RABGAP1L: variants seen among roughly 807,000 people sequenced by gnomAD.
The protein encoded by RABGAP1L is RAB GTPase activating protein 1 like.
In RABGAP1L, 63 loss-of-function variants were observed where a neutral mutation model predicts 137.7. That is an observed-to-expected ratio of 0.46 (90% CI 0.37 to 0.56). The LOEUF is 0.56. Among genes scored for constraint, RABGAP1L ranks in the 20% least tolerant of loss-of-function variants. The pLI, the probability that RABGAP1L is intolerant of heterozygous loss-of-function variation, is 0.00. For missense variants in RABGAP1L, 1,095 were observed against 1,244.0 expected (o/e 0.88, Z 1.80); for synonymous variants, 431 against 433.7 (o/e 0.99, Z 0.08).
chr1:174,534,802 A>AAAAAAAAAAAAAAAAAAAATAAT (rs1553324953), intron 13 of RABGAP1L, among the ~76,000 whole-genome samples: 1 of 137,312 alleles, frequency 7.3e-6, no homozygotes, highest in East Asian at 2.1e-4. Context: ...AAAAAAAAAA[A>AAAAAAAAAAAAAAAAAAAATAAT]AATAATTAGA....
chr1:174,257,696 A>G (rs760819522), intron 7 of RABGAP1L, among the ~76,000 whole-genome samples: 22 of 152,184 alleles, frequency 1.4e-4, no homozygotes, highest in Non-Finnish European at 2.1e-4. Flanking sequence ...GAATCAGTAT[A>G]TGCTACTAAC....
chr1:174,552,092 G>A (rs553155619), intron 13 of RABGAP1L, among the ~76,000 whole-genome samples: 2 of 152,268 alleles, frequency 1.3e-5, no homozygotes, highest in African/African-American at 4.8e-5. Context: ...ATTAATACAT[G>A]TTTAACAACA....
intron 19 of RABGAP1L, among the ~76,000 whole-genome samples, chr1:174,927,145 T>C (rs1339065251): frequency 6.6e-6 from 1 of 152,170 alleles, no homozygotes; most frequent in Non-Finnish European, 1.5e-5. Flanking sequence ...AGGGAACATT[T>C]TTAAGATTTC....
At chr1:174,643,815 C>G (rs1674718068) in intron 14 of RABGAP1L, among the ~76,000 whole-genome samples, 1 of 151,616 alleles carries the variant, frequency 6.6e-6, no homozygotes, top group Admixed American at 6.6e-5. Flanking sequence ...GCTTTATTGC[C>G]AAGAACAATT....
At chr1:174,717,392 G>GA (rs1415902378) in intron 17 of RABGAP1L, among the ~76,000 whole-genome samples, 1 of 152,138 alleles carries the variant, frequency 6.6e-6, no homozygotes, top group Non-Finnish European at 1.5e-5. Flanking sequence ...CTGGGCAACA[G>GA]AACGAGATTC....
In RABGAP1L at chr1:174,242,366, T is replaced by A. The variant is rs187666815; in HGVS notation, c.717+709T>A. Among the ~76,000 whole-genome samples, 10 of 152,372 alleles carry A rather than the reference T, an allele frequency of 6.6e-5. No individual in the cohort carries two copies. The East Asian group carries it at 1.7e-3, about 26-fold the overall frequency. Reference sequence around the variant, plus strand: ...TCCCCAATTTTAAAATGTTGCACTGTTAGACACTTAGTACTTAAAACCATT... The same window carrying A: ...TCCCCAATTTTAAAATGTTGCACTGATAGACACTTAGTACTTAAAACCATT... On this transcript the variant is annotated intron_variant, in intron 5 of 25. Coordinates refer to ENST00000681986, the MANE Select transcript of RABGAP1L (RefSeq NM_001366446.1).
chr1:174,837,873 TA>T (rs988961256), intron 19 of RABGAP1L, among the ~76,000 whole-genome samples: 1 of 152,180 alleles, frequency 6.6e-6, no homozygotes, highest in African/African-American at 2.4e-5. Flanking sequence ...AAAAGTGAAA[TA>T]AAAAAATCTT....
At chr1:174,447,884 C>CT (rs1654945574) in intron 13 of RABGAP1L, among the ~76,000 whole-genome samples, 1 of 77,226 alleles carries the variant, frequency 1.3e-5, no homozygotes, top group Non-Finnish European at 2.6e-5. Context: ...CTCTCCACCC[C>CT]TTACCGCCCC....
chr1:174,195,319 T>C (rs1667489307), intron 1 of RABGAP1L, among the ~76,000 whole-genome samples: 2 of 152,186 alleles, frequency 1.3e-5, no homozygotes, highest in South Asian at 2.1e-4. Flanking sequence ...TCTTTTTTGA[T>C]TTCTTGTTTT....
intron 19 of RABGAP1L, among the ~76,000 whole-genome samples, chr1:174,944,959 CA>C (rs1374350318): frequency 9.2e-5 from 14 of 152,132 alleles, no homozygotes; most frequent in Admixed American, 9.2e-4. Context: ...TTGCCAGCGA[CA>C]ATTGACATAA....
chr1:174,239,936 G>T (rs1671648245), intron 4 of RABGAP1L, among the ~76,000 whole-genome samples: 1 of 152,156 alleles, frequency 6.6e-6, no homozygotes, highest in South Asian at 2.1e-4. Flanking sequence ...TATAAATTTA[G>T]AAAATTTTGG....
At chr1:174,540,038 T>G (rs183162365) in intron 13 of RABGAP1L, among the ~76,000 whole-genome samples, 11 of 152,282 alleles carry the variant, frequency 7.2e-5, no homozygotes, top group African/African-American at 2.4e-4. Flanking sequence ...TTTCTCTGAT[T>G]GCCAGTGATG....
At chr1:174,776,504 C>G (rs1246537827) in intron 18 of RABGAP1L, among the ~76,000 whole-genome samples, 1 of 152,190 alleles carries the variant, frequency 6.6e-6, no homozygotes, top group East Asian at 1.9e-4. Flanking sequence ...AGTGATCAAA[C>G]AAATGACTCT....
chr1:174,443,103 T>C (rs892281183), intron 13 of RABGAP1L, among the ~76,000 whole-genome samples: 10 of 152,230 alleles, frequency 6.6e-5, no homozygotes, highest in Non-Finnish European at 1.0e-4. Flanking sequence ...TTGCTTTTTT[T>C]CCCCACCTGT....
In RABGAP1L at chr1:174,394,010, T is replaced by G; in HGVS notation, c.1575T>G (p.Gly525=). The G allele has an allele frequency of 6.2e-7, 1 of 1,613,384 alleles. No homozygotes were observed. The highest frequency in any genetic ancestry group is 8.5e-7 in the Non-Finnish European group (1 of 1,179,640). The change falls in exon 13 of 26, where the codon GGT becomes GGG. Residue 525 remains glycine, a synonymous_variant. Transcript: ENST00000681986. ...GTCTTCTCAGGCACAGTAACCTTGG[T>G]GCACGACCGAAAGGGCTGTCTACTC... ...ELLGKWHSNL[G]ARPKGLSTLV... is the part of the protein sequence containing the mutation.
At chr1:174,835,006 T>C (rs1373963771) in intron 19 of RABGAP1L, among the ~76,000 whole-genome samples, 1 of 152,148 alleles carries the variant, frequency 6.6e-6, no homozygotes, top group Non-Finnish European at 1.5e-5. Flanking sequence ...TGTAGCAGTA[T>C]TCCAGGTGAG....
intron 1 of RABGAP1L, among the ~76,000 whole-genome samples, chr1:174,187,385 C>T (rs1666887348): frequency 6.6e-6 from 1 of 151,918 alleles, no homozygotes; most frequent in South Asian, 2.1e-4. Flanking sequence ...GTGTAATAGC[C>T]TTTGGTTAGA....
Position 174,811,645 on chromosome 1 carries a change from A to T in RABGAP1L, c.2212-187A>T, listed in dbSNP as rs141287122. On this transcript the variant is annotated intron_variant, in intron 18 of 25. Coordinates refer to ENST00000681986, the MANE Select transcript of RABGAP1L (RefSeq NM_001366446.1). ...TAGATTGCTTCTGTGATTTATGGTG[A>T]TTTATTTCAGCTTATAGTAACATCA... Among the ~76,000 whole-genome samples the T allele has an allele frequency of 0.012, 1,823 of 152,302 alleles. 41 individuals carry two copies. Among genetic ancestry groups the T allele is most frequent in the African/African-American group, 0.042 (1,754 of 41,572 alleles).
intron 13 of RABGAP1L, among the ~76,000 whole-genome samples, chr1:174,501,083 C>G (rs1337985250): frequency 6.6e-6 from 1 of 152,098 alleles, no homozygotes; most frequent in Non-Finnish European, 1.5e-5. Context: ...ATGTACTTCT[C>G]TCAGTTCTCT....
Sources: gnomAD v4.1 joint callset for allele counts (sites outside exome capture counted in the v4.1 genomes callset) on GRCh38, gnomAD v4.1.1 for gene constraint, MANE v1.5 for transcripts, NCBI Gene and HGNC (gene_info 2026-07-23, HGNC 2026-07-21) for gene names.